WARS2: variants seen among roughly 807,000 people sequenced by gnomAD.
The protein encoded by WARS2 is tryptophan--tRNA ligase, mitochondrial.
In WARS2, 28 loss-of-function variants were observed where a neutral mutation model predicts 36.5. That is an observed-to-expected ratio of 0.77 (90% CI 0.57 to 1.05). WARS2 has a LOEUF of 1.05. WARS2 is among the 50% of genes least tolerant of loss of function. The pLI, the probability that WARS2 is intolerant of heterozygous loss-of-function variation, is 0.00. For synonymous variants in WARS2, 174 were observed against 178.4 expected (o/e 0.98, Z 0.20); for missense variants, 435 against 456.8 (o/e 0.95, Z 0.44).
At chr1:119,048,665 T>G (rs1003726148) in intron 2 of WARS2, among the ~76,000 whole-genome samples, 2 of 152,144 alleles carry the variant, frequency 1.3e-5, no homozygotes, top group Non-Finnish European at 2.9e-5. Flanking sequence ...CACGCGGACA[T>G]GTGCCCATGG....
At chr1:119,073,182 AG>A (rs1347896217) in intron 2 of WARS2, among the ~76,000 whole-genome samples, 1 of 151,950 alleles carries the variant, frequency 6.6e-6, no homozygotes, top group Non-Finnish European at 1.5e-5. Flanking sequence ...AAGAAAAGAA[AG>A]TAACATCAGT....
At chr1:119,108,012 T>C (rs1654363822) in intron 1 of WARS2, among the ~76,000 whole-genome samples, 2 of 152,102 alleles carry the variant, frequency 1.3e-5, no homozygotes, top group African/African-American at 4.8e-5. Context: ...CAGCCTCACA[T>C]ACCTGATATA....
chr1:119,068,573 T>C (rs1651052902), intron 2 of WARS2, among the ~76,000 whole-genome samples: 1 of 152,164 alleles, frequency 6.6e-6, no homozygotes, highest in African/African-American at 2.4e-5. Flanking sequence ...CAACTGTCCT[T>C]TTCTCCTTGC....
intron 2 of WARS2, among the ~76,000 whole-genome samples, chr1:119,073,757 C>T (rs1651507440): frequency 6.6e-6 from 1 of 152,088 alleles, no homozygotes; most frequent in Non-Finnish European, 1.5e-5. Context: ...TCTTCAATTG[C>T]TATTTTGAAC....
intron 1 of WARS2, among the ~76,000 whole-genome samples, chr1:119,103,946 A>G (rs963159206): frequency 6.6e-6 from 1 of 150,476 alleles, no homozygotes; most frequent in Non-Finnish European, 1.5e-5. Context: ...TTAATTAAAA[A>G]ATGTATTATT....
intron 2 of WARS2, among the ~76,000 whole-genome samples, chr1:119,057,981 T>C (rs936769318): frequency 6.6e-6 from 1 of 152,186 alleles, no homozygotes; most frequent in Non-Finnish European, 1.5e-5. Context: ...AATGTATCAA[T>C]AGTTTCTCTT....
At chr1:119,107,600 C>T (rs1654328531) in intron 1 of WARS2, among the ~76,000 whole-genome samples, 1 of 151,938 alleles carries the variant, frequency 6.6e-6, no homozygotes, top group African/African-American at 2.4e-5. Context: ...CTCCTTCTAC[C>T]TGTTTCCTAT....
intron 1 of WARS2, among the ~76,000 whole-genome samples, chr1:119,078,963 C>T (rs1413613091): frequency 7.0e-5 from 10 of 142,814 alleles, no homozygotes; most frequent in African/African-American, 2.7e-4. Context: ...CACACACACA[C>T]ATATGCATAT....
chr1:119,034,356 C>A (rs1466724847), intron 4 of WARS2, 143 bp from the exon 5 acceptor site: 1 of 687,286 alleles, frequency 1.5e-6, no homozygotes, highest in Non-Finnish European at 2.5e-6. Context: ...AATGTTTAGA[C>A]CTAAGTCTTT....
At chr1:119,140,525 G>A (rs1221620459) in intron 1 of WARS2, 30 bp downstream of exon 1, 28 of 1,602,394 alleles carry the variant, frequency 1.7e-5, no homozygotes, top group South Asian at 3.3e-5. Context: ...GGGATGGGAA[G>A]CCGCGGAGGG....
In WARS2 at chr1:119,113,788, T is replaced by G. The variant is rs144699336; in HGVS notation, c.90+26767A>C. On this transcript the variant is annotated intron_variant, in intron 1 of 5. Coordinates refer to ENST00000235521, the MANE Select transcript of WARS2 (RefSeq NM_015836.4). ...GCTTCTGCTATTTCTTCAACTATAA[T>G]AAGACAATAATATAATTTTAAGGAT... 9.9e-5 allele frequency among the ~76,000 whole-genome samples: 15 copies of G among 152,208 alleles called. 1 individual carries two copies. The highest frequency in any genetic ancestry group is 3.1e-4 in the African/African-American group (13 of 41,546).
chr1:119,129,230 G>C (rs1418476123), intron 1 of WARS2, among the ~76,000 whole-genome samples: 1 of 152,170 alleles, frequency 6.6e-6, no homozygotes, highest in Non-Finnish European at 1.5e-5. Flanking sequence ...AGAGATCTCA[G>C]AGAATGAACT....
intron 1 of WARS2, among the ~76,000 whole-genome samples, chr1:119,124,498 GAATGA>G (rs587653619): frequency 1.2e-4 from 18 of 151,360 alleles, no homozygotes; most frequent in South Asian, 2.1e-4. Flanking sequence ...TCAAAAATTG[GAATGA>G]AATGAAATGA....
chr1:119,111,676 T>C (rs912874841), intron 1 of WARS2, among the ~76,000 whole-genome samples: 3 of 152,018 alleles, frequency 2.0e-5, no homozygotes, highest in Admixed American at 6.6e-5. Flanking sequence ...CATGACTGAG[T>C]CCCCCTCATA....
chr1:119,140,401 G>C (rs772857620), intron 1 of WARS2, 154 bp downstream of exon 1: 63 of 593,578 alleles, frequency 1.1e-4, no homozygotes, highest in Non-Finnish European at 1.7e-4. Context: ...ACTACGCTCT[G>C]AGCAGGCCGA....
intron 1 of WARS2, among the ~76,000 whole-genome samples, chr1:119,131,759 C>A (rs1394219290): frequency 6.6e-6 from 1 of 152,102 alleles, no homozygotes; most frequent in East Asian, 1.9e-4. Context: ...CAGCGCCGGC[C>A]CGGACTGTAC....
At chr1:119,105,232 G>A (rs1654153250) in intron 1 of WARS2, among the ~76,000 whole-genome samples, 1 of 152,270 alleles carries the variant, frequency 6.6e-6, no homozygotes, top group South Asian at 2.1e-4. Context: ...GGATTAATTG[G>A]TAAAACTGGT....
chr1:119,068,579 C>T lies in WARS2; in HGVS notation c.348+7771G>A, dbSNP rs147767954. Among the ~76,000 whole-genome samples the T allele has an allele frequency of 4.1e-4, 63 of 152,268 alleles. 1 individual carries two copies. The East Asian group carries it at 0.011, about 28-fold the overall frequency. On this transcript the variant is annotated intron_variant, in intron 2 of 5. Transcript: ENST00000235521. Reference sequence around the variant, plus strand: ...TGGTGGCCCCAACTGTCCTTTTCTCCTTGCCTTGGCAGAAATCCAGTGCCT... The same window carrying T: ...TGGTGGCCCCAACTGTCCTTTTCTCTTTGCCTTGGCAGAAATCCAGTGCCT...
intron 1 of WARS2, among the ~76,000 whole-genome samples, chr1:119,122,885 A>C (rs1218418128): frequency 6.6e-6 from 1 of 152,104 alleles, no homozygotes; most frequent in African/African-American, 2.4e-5. Flanking sequence ...GACTTGGGGA[A>C]ATGGGTGTGA....
Sources: allele counts gnomAD v4.1 joint callset (sites outside exome capture counted in the v4.1 genomes callset), GRCh38; gene constraint gnomAD v4.1.1; transcripts MANE v1.5; gene names NCBI Gene and HGNC (gene_info 2026-07-23, HGNC 2026-07-21).